NOL7: variants seen among roughly 807,000 people sequenced by gnomAD.
NOL7 encodes nucleolar protein 7.
In NOL7, 36 loss-of-function variants were observed where a neutral mutation model predicts 38.4. The ratio of observed to expected loss-of-function variants is 0.94; its 90% CI spans 0.72 to 1.24. The LOEUF (loss-of-function observed/expected upper bound fraction) is 1.24, where lower values mean the gene tolerates loss of function less well. Among genes scored for constraint, NOL7 ranks in the 50% most tolerant of loss-of-function variants. The pLI is 0.00. For synonymous variants in NOL7, 142 were observed against 126.5 expected (o/e 1.12, Z -0.82); for missense variants, 350 against 315.1 (o/e 1.11, Z -0.84).
intron 3 of NOL7, 50 bp downstream of exon 3, chr6:13,616,571 AAT>A (rs749062478): frequency 8.4e-7 from 1 of 1,191,820 alleles, no homozygotes. Context: ...CCCATCTTTG[AAT>A]TATATACTGG....
intron 3 of NOL7, 88 bp downstream of exon 3, chr6:13,616,609 G>C: frequency 1.1e-6 from 1 of 915,340 alleles, no homozygotes; most frequent in Non-Finnish European, 1.6e-6. Flanking sequence ...CCATATAACT[G>C]AAGGAATTGT....
In NOL7 at chr6:13,615,564, T is replaced by G. The variant is rs11540715; in HGVS notation, c.206T>G (p.Phe69Cys). 1 of 1,566,478 alleles carries G rather than the reference T, an allele frequency of 6.4e-7. No individual in the cohort carries two copies. The highest frequency in any genetic ancestry group is 1.9e-5 in the Admixed American group (1 of 52,350). The stretch of plus-strand genomic sequence containing the variant: ...GATGAGGCCCCGGAGGAGCTGACTT[T>G]CGCCAGCGCCCAGGCGGAAGCGAGA... Reference protein sequence around the residue: ...FDDEAPEELTFASAQAEAREE... With the variant: ...FDDEAPEELTCASAQAEAREE... Residue 69 changes from phenylalanine (F) to cysteine (C), a missense_variant, in exon 1 of 8, where the codon TTC becomes TGC. By Grantham distance (205) the Phe-to-Cys change is radical. Transcript: ENST00000451315.
At chr6:13,620,690 T>C in intron 7 of NOL7, 64 bp from the exon 8 acceptor site, 2 of 1,128,944 alleles carry the variant, frequency 1.8e-6, no homozygotes, top group Non-Finnish European at 2.5e-6. Context: ...TCATATAGAG[T>C]AATTAAAAAA....
downstream of NOL7, among the ~76,000 whole-genome samples, chr6:13,626,517 G>A (rs1044635644): frequency 6.6e-6 from 1 of 152,148 alleles, no homozygotes; most frequent in African/African-American, 2.4e-5. Flanking sequence ...TCCTAGATTT[G>A]TATGAGGACT....
downstream of NOL7, chr6:13,625,838 G>A: frequency 9.0e-7 from 1 of 1,113,724 alleles, no homozygotes; most frequent in South Asian, 1.3e-5. Flanking sequence ...TCCAAGTTGA[G>A]AGGTAAAATA....
At chr6:13,627,863 C>A (rs1764661984) in intron 8 of NOL7, among the ~76,000 whole-genome samples, 1 of 151,986 alleles carries the variant, frequency 6.6e-6, no homozygotes, top group Non-Finnish European at 1.5e-5. Flanking sequence ...AAATGTCGCA[C>A]TCCCAAATCT....
chr6:13,620,888 A>C lies in NOL7; in HGVS notation c.*61A>C. On this transcript the variant is annotated 3_prime_UTR_variant, in exon 8 of 8. Transcript: ENST00000451315. ...ATAGAATTTATCTAATAAATCATTC[A>C]TAGATCATTTTAAAGGATCATTATA... 1.0e-6 allele frequency: 1 copy of C among 1,004,750 alleles called. No homozygotes were observed. The highest frequency in any genetic ancestry group is 1.5e-6 in the Non-Finnish European group (1 of 679,992). The allele number at this position is 1,004,750 out of a possible 1,614,324, so 62.2% of individuals were successfully genotyped here. A position where few individuals can be genotyped will look rare whatever the true frequency, so the allele number is the denominator to read the frequency against.
chr6:13,616,556 A>G (rs763938897), intron 3 of NOL7, 35 bp downstream of exon 3: 5 of 1,403,822 alleles, frequency 3.6e-6, no homozygotes, highest in Non-Finnish European at 5.0e-6. Flanking sequence ...ACTTGCTTAT[A>G]TACACCCATC....
downstream of NOL7, among the ~76,000 whole-genome samples, chr6:13,623,370 C>T (rs1352425765): frequency 6.6e-6 from 1 of 152,154 alleles, no homozygotes; most frequent in African/African-American, 2.4e-5. Flanking sequence ...GGTTTAACTC[C>T]ACTCTTGGTT....
At chr6:13,622,447 C>T, downstream of NOL7, 1 of 1,600,394 alleles carries the variant, frequency 6.2e-7, no homozygotes, top group Non-Finnish European at 8.5e-7. Flanking sequence ...TGTGGCCTGT[C>T]CCATTGCTAG....
chr6:13,621,618 T>C lies in NOL7; in HGVS notation c.*791T>C, dbSNP rs571209276. On this transcript the variant is annotated 3_prime_UTR_variant, in exon 8 of 8. Coordinates refer to ENST00000451315, the MANE Select transcript of NOL7 (RefSeq NM_016167.5). ...AAAGATTAAATTAAGACACGGTAAA[T>C]TGACTAAATATTTGGTTTTTATATA... 9 of 152,732 alleles carry C rather than the reference T, an allele frequency of 5.9e-5. No homozygotes were observed. Among genetic ancestry groups the C allele is most frequent in the East Asian group, 5.8e-4 (3 of 5,190 alleles). 9.5% of individuals were successfully genotyped at this position (152,732 alleles called of 1,614,324 possible). A position where few individuals can be genotyped will look rare whatever the true frequency, so the allele number is the denominator to read the frequency against.
At chr6:13,620,541 CT>C (rs1764414755) in intron 7 of NOL7, 56 bp downstream of exon 7, 1 of 1,489,746 alleles carries the variant, frequency 6.7e-7, no homozygotes. Context: ...GAATAATGTT[CT>C]TTTGAAGGAG....
intron 5 of NOL7, 44 bp from the exon 6 acceptor site, chr6:13,620,164 T>G: frequency 1.3e-6 from 2 of 1,569,952 alleles, no homozygotes; most frequent in Non-Finnish European, 1.7e-6. Context: ...AAAAAGAAAG[T>G]AAGCATGTGT....
At chr6:13,630,707 C>T (rs1003346749) in intron 8 of NOL7, among the ~76,000 whole-genome samples, 11 of 152,094 alleles carry the variant, frequency 7.2e-5, no homozygotes, top group African/African-American at 2.7e-4. Flanking sequence ...TGGAATTTTC[C>T]AGAGGCACAA....
At chr6:13,617,915 A>G in intron 4 of NOL7, 114 bp downstream of exon 4, 1 of 1,106,382 alleles carries the variant, frequency 9.0e-7, no homozygotes, top group Non-Finnish European at 1.4e-6. Flanking sequence ...GGCCAAGGTT[A>G]GCTGGGGCCT....
At chr6:13,620,658 C>T (rs930709213) in intron 7 of NOL7, 96 bp from the exon 8 acceptor site, 67 of 987,412 alleles carry the variant, frequency 6.8e-5, no homozygotes, top group Non-Finnish European at 9.9e-5. Context: ...ATAATAAGCC[C>T]ACCCAGTTTT....
downstream of NOL7, among the ~76,000 whole-genome samples, chr6:13,622,924 G>C (rs1444573105): frequency 6.6e-6 from 1 of 152,168 alleles, no homozygotes; most frequent in African/African-American, 2.4e-5. Flanking sequence ...CACCTCTGTG[G>C]ATAGGACCAA....
chr6:13,629,267 C>T (rs552400269), intron 8 of NOL7, among the ~76,000 whole-genome samples: 6 of 152,272 alleles, frequency 3.9e-5, no homozygotes, highest in African/African-American at 1.2e-4. Flanking sequence ...TGGGCCACCA[C>T]ACCCAGCCTC....
chr6:13,632,441 C>T, exon 9 of NOL7: 9 of 1,613,986 alleles, frequency 5.6e-6, no homozygotes, highest in Non-Finnish European at 7.6e-6. Context: ...GCTTGCAGCT[C>T]TCGTCCAAAG....
Sources: gnomAD v4.1 joint callset for allele counts (sites outside exome capture counted in the v4.1 genomes callset) on GRCh38, gnomAD v4.1.1 for gene constraint, MANE v1.5 for transcripts, NCBI Gene and HGNC (gene_info 2026-07-23, HGNC 2026-07-21) for gene names.